CPNE5: variants seen among roughly 807,000 people sequenced by gnomAD.
CPNE5 encodes copine-5.
Under a neutral mutation model 81.1 loss-of-function variants are expected in CPNE5, and 42 were observed. That is an observed-to-expected ratio of 0.52 (90% confidence interval 0.40 to 0.67). The LOEUF (loss-of-function observed/expected upper bound fraction) is 0.67, where lower values mean the gene tolerates loss of function less well. Among genes scored for constraint, CPNE5 ranks in the 30% least tolerant of loss-of-function variants. The probability of loss-of-function intolerance (pLI) is 0.00; values close to 1 mark genes in which losing one functional copy is unlikely to be tolerated. For synonymous variants in CPNE5, 313 were observed against 321.5 expected (o/e 0.97, Z 0.28); for missense variants, 612 against 815.5 (o/e 0.75, Z 3.04).
intron 1 of CPNE5, among the ~76,000 whole-genome samples, chr6:36,838,361 T>C (rs1433801747): frequency 2.0e-5 from 3 of 152,232 alleles, no homozygotes; most frequent in Non-Finnish European, 4.4e-5. Flanking sequence ...AAGTGGGTGA[T>C]GCTTGCGTGG....
chr6:36,777,766 CCACACACACACACACACACACA>C (rs34423091), intron 9 of CPNE5, among the ~76,000 whole-genome samples: 2 of 109,468 alleles, frequency 1.8e-5, no homozygotes, highest in Non-Finnish European at 3.6e-5. Context: ...CCCCCCCCCA[CCACACACACACACACACACACA>C]CACACACACA....
chr6:36,792,119 A>G (rs199538010), intron 7 of CPNE5, 23 bp from the exon 8 acceptor site: 1 of 1,609,514 alleles, frequency 6.2e-7, no homozygotes, highest in Non-Finnish European at 8.5e-7. Flanking sequence ...AAGATGAAAG[A>G]ATGGAAAGCC....
intron 7 of CPNE5, 60 bp downstream of exon 7, chr6:36,794,530 C>A: frequency 6.6e-7 from 1 of 1,509,164 alleles, no homozygotes; most frequent in South Asian, 1.1e-5. Context: ...TCTGAGGCCC[C>A]CTTTGCAGAG....
chr6:36,831,215 C>A (rs371116498), intron 1 of CPNE5, among the ~76,000 whole-genome samples: 9 of 150,520 alleles, frequency 6.0e-5, no homozygotes, highest in African/African-American at 1.7e-4. Flanking sequence ...CCACCACACC[C>A]GGCTAATTTT....
chr6:36,785,699 A>C (rs1406790625), intron 8 of CPNE5, among the ~76,000 whole-genome samples: 1 of 152,058 alleles, frequency 6.6e-6, no homozygotes, highest in Non-Finnish European at 1.5e-5. Flanking sequence ...TGAGACCTCC[A>C]TCTCTAAAAA....
At chr6:36,823,468 A>G (rs1437059326) in intron 1 of CPNE5, among the ~76,000 whole-genome samples, 1 of 152,186 alleles carries the variant, frequency 6.6e-6, no homozygotes, top group Non-Finnish European at 1.5e-5. Flanking sequence ...CTGCTTCTCA[A>G]AAAAATAAGA....
At chr6:36,771,569 T>C (rs373470257) in intron 10 of CPNE5, among the ~76,000 whole-genome samples, 30 of 152,346 alleles carry the variant, frequency 2.0e-4, no homozygotes, top group African/African-American at 6.0e-4. Flanking sequence ...GTCTCCCCAC[T>C]GGCCTGGGAG....
intron 3 of CPNE5, among the ~76,000 whole-genome samples, chr6:36,818,964 A>T (rs1771802515): frequency 6.6e-6 from 1 of 152,198 alleles, no homozygotes; most frequent in Non-Finnish European, 1.5e-5. Flanking sequence ...AGGCCTCAAA[A>T]GTCATTAGTT....
At chr6:36,755,940 TC>T (rs1207833246) in intron 13 of CPNE5, 1 of 435,804 alleles carries the variant, frequency 2.3e-6, no homozygotes, top group African/African-American at 2.1e-5. Flanking sequence ...GTGGGGAATT[TC>T]CCAGGGTAGG....
chr6:36,827,500 C>T, intron 1 of CPNE5: 1 of 985,416 alleles, frequency 1.0e-6, no homozygotes, highest in Non-Finnish European at 1.2e-6. Flanking sequence ...CGCCAGAGAT[C>T]CCCCTATTAT....
intron 3 of CPNE5, among the ~76,000 whole-genome samples, chr6:36,815,768 G>C (rs1386923172): frequency 6.6e-6 from 1 of 152,250 alleles, no homozygotes; most frequent in African/African-American, 2.4e-5. Flanking sequence ...TCAGCTGCTG[G>C]TGAAAAGTTT....
chr6:36,828,943 TC>T (rs1009824825), intron 1 of CPNE5, among the ~76,000 whole-genome samples: 23 of 151,962 alleles, frequency 1.5e-4, no homozygotes, highest in Middle Eastern at 3.4e-3. Flanking sequence ...CTAATAACAG[TC>T]CCCCCCTCCC....
intron 3 of CPNE5, among the ~76,000 whole-genome samples, chr6:36,806,215 G>T (rs1290360786): frequency 6.6e-6 from 1 of 152,144 alleles, no homozygotes; most frequent in Non-Finnish European, 1.5e-5. Context: ...CCTGCTGCCC[G>T]CCCCAGCTCC....
At chr6:36,838,754 G>A (rs914369297) in intron 1 of CPNE5, 3 of 983,982 alleles carry the variant, frequency 3.0e-6, no homozygotes, top group African/African-American at 3.5e-5. Context: ...TGTTGATAGA[G>A]ATGAAGGAAG....
At chr6:36,792,437 A>C in intron 7 of CPNE5, 1 of 1,358,720 alleles carries the variant, frequency 7.4e-7, no homozygotes, top group Non-Finnish European at 9.7e-7. Context: ...TTTCCATCCA[A>C]AGACCACTTC....
chr6:36,796,933 C>G (rs1333181556), intron 6 of CPNE5, among the ~76,000 whole-genome samples: 1 of 152,072 alleles, frequency 6.6e-6, no homozygotes, highest in Non-Finnish European at 1.5e-5. Context: ...TATTTTGAGA[C>G]AGAGTCTCAC....
At chr6:36,751,239 T>C (rs1355832326) in intron 14 of CPNE5, among the ~76,000 whole-genome samples, 1 of 152,202 alleles carries the variant, frequency 6.6e-6, no homozygotes, top group Non-Finnish European at 1.5e-5. Flanking sequence ...CTCTGAGGGC[T>C]CCTTTTCGAT....
intron 12 of CPNE5, among the ~76,000 whole-genome samples, chr6:36,760,496 G>C (rs1001320848): frequency 6.6e-6 from 1 of 152,140 alleles, no homozygotes. Context: ...AAGAAAGGAG[G>C]CTGTGGCAAA....
intron 8 of CPNE5, among the ~76,000 whole-genome samples, chr6:36,791,254 C>G (rs887507424): frequency 1.3e-5 from 2 of 152,192 alleles, no homozygotes; most frequent in African/African-American, 4.8e-5. Flanking sequence ...AGTCATGGCT[C>G]TGCTGTTTGT....
Sources: allele counts gnomAD v4.1 joint callset (sites outside exome capture counted in the v4.1 genomes callset), GRCh38; gene constraint gnomAD v4.1.1; transcripts MANE v1.5; gene names NCBI Gene and HGNC (gene_info 2026-07-23, HGNC 2026-07-21).